Variants in CTNNA3 observed in about 807,000 individuals in gnomAD.
The protein encoded by CTNNA3 is catenin alpha-3.
Under a neutral mutation model 95.7 loss-of-function variants are expected in CTNNA3, and 76 were observed. The ratio of observed to expected loss-of-function variants is 0.79; its 90% CI spans 0.66 to 0.96. CTNNA3 has a LOEUF of 0.96. Ranked by LOEUF, CTNNA3 falls within the 40% of genes least tolerant of loss-of-function variation. The pLI is 0.00. For synonymous variants in CTNNA3, 431 were observed against 374.4 expected, an observed-to-expected ratio of 1.15 and a Z score of -1.74; for missense variants, 1,191 against 1,089.8, an observed-to-expected ratio of 1.09 and a Z score of -1.31.
chr10:66,833,008 C>A (rs1842773051), intron 7 of CTNNA3, among the ~76,000 whole-genome samples: 1 of 152,210 alleles, frequency 6.6e-6, no homozygotes, highest in Non-Finnish European at 1.5e-5. Flanking sequence ...TCACCCCCTT[C>A]CTGAATTTGT....
chr10:66,920,018 TTAG>T (rs1846708597), intron 7 of CTNNA3, among the ~76,000 whole-genome samples: 1 of 152,166 alleles, frequency 6.6e-6, no homozygotes, highest in African/African-American at 2.4e-5. Flanking sequence ...GGTATTAAAA[TTAG>T]TAGAAAAGAA....
chr10:66,410,058 A>C (rs1420064881), intron 11 of CTNNA3, among the ~76,000 whole-genome samples: 5 of 152,234 alleles, frequency 3.3e-5, no homozygotes, highest in African/African-American at 1.2e-4. Context: ...CAAGCAATAA[A>C]CATCCAGACA....
intron 5 of CTNNA3, among the ~76,000 whole-genome samples, chr10:67,255,251 T>C (rs781553650): frequency 2.8e-4 from 43 of 152,172 alleles, no homozygotes; most frequent in Middle Eastern, 3.4e-3. Context: ...GCTGAGATAA[T>C]GCCATTGCAC....
At chr10:66,389,552 A>G (rs1321060720) in intron 11 of CTNNA3, among the ~76,000 whole-genome samples, 1 of 152,150 alleles carries the variant, frequency 6.6e-6, no homozygotes. Flanking sequence ...ATAGTAATAC[A>G]TGGGATAATA....
At chr10:67,117,985 C>T (rs1364827075) in intron 7 of CTNNA3, among the ~76,000 whole-genome samples, 1 of 151,978 alleles carries the variant, frequency 6.6e-6, no homozygotes, top group Non-Finnish European at 1.5e-5. Context: ...TAACACATTA[C>T]AGCAAATAAT....
chr10:67,710,921 C>G (rs924365057), intron 1 of CTNNA3, among the ~76,000 whole-genome samples: 1 of 152,136 alleles, frequency 6.6e-6, no homozygotes, highest in African/African-American at 2.4e-5. Flanking sequence ...TGAATTCCCA[C>G]GTGTTGTGGG....
rs1014137271 is a variant in CTNNA3 at position 67,679,310 on chromosome 10, A to G, written c.-6+16690T>C. On this transcript the variant is annotated intron_variant, in intron 1 of 17. Transcript: ENST00000433211. ...AAAGAACCTGCCCCCTAGTTATGAC[A>G]GCCAAAAATGTCTCCAGACATTGCC... Among the ~76,000 whole-genome samples, 19 of 152,298 alleles carry G rather than the reference A, an allele frequency of 1.2e-4. 1 individual carries two copies. In the South Asian group the frequency reaches 3.7e-3, roughly 30 times the overall value.
intron 7 of CTNNA3, among the ~76,000 whole-genome samples, chr10:66,917,083 C>T (rs1846528750): frequency 6.6e-6 from 1 of 151,992 alleles, no homozygotes; most frequent in Admixed American, 6.6e-5. Flanking sequence ...TATTTTTTAC[C>T]ATCTCATCAA....
intron 9 of CTNNA3, among the ~76,000 whole-genome samples, chr10:66,705,921 T>C (rs981671045): frequency 6.6e-6 from 1 of 152,098 alleles, no homozygotes; most frequent in Non-Finnish European, 1.5e-5. Context: ...AACACAATTC[T>C]CCTAGACACA....
At chr10:67,415,377 C>A (rs905761852) in intron 5 of CTNNA3, among the ~76,000 whole-genome samples, 2 of 152,112 alleles carry the variant, frequency 1.3e-5, no homozygotes, top group Admixed American at 6.5e-5. Context: ...AGAGTAAAAT[C>A]TAGAACACAA....
intron 7 of CTNNA3, among the ~76,000 whole-genome samples, chr10:67,133,286 TTAGC>T (rs1282271016): frequency 7.1e-6 from 1 of 140,754 alleles, no homozygotes; most frequent in Non-Finnish European, 1.5e-5. Context: ...TTCTATAGCC[TTAGC>T]TAGAGCATAT....
At chr10:66,851,254 ATCACTC>A (rs1843474680) in intron 7 of CTNNA3, among the ~76,000 whole-genome samples, 1 of 152,112 alleles carries the variant, frequency 6.6e-6, no homozygotes, top group South Asian at 2.1e-4. Flanking sequence ...AGAAATGCCC[ATCACTC>A]TTTGAATGCA....
At chr10:66,460,196 G>A (rs922472242) in intron 11 of CTNNA3, among the ~76,000 whole-genome samples, 2 of 152,058 alleles carry the variant, frequency 1.3e-5, no homozygotes, top group Non-Finnish European at 2.9e-5. Context: ...TAGTTTAATA[G>A]CTGGTACAGC....
At chr10:65,929,859 C>A (rs1456238622) in intron 17 of CTNNA3, among the ~76,000 whole-genome samples, 1 of 152,048 alleles carries the variant, frequency 6.6e-6, no homozygotes, top group Admixed American at 6.6e-5. Flanking sequence ...AGCCACCGTG[C>A]CTGGCCAAAG....
At chr10:67,311,232 T>C (rs1362016184) in intron 5 of CTNNA3, among the ~76,000 whole-genome samples, 2 of 152,028 alleles carry the variant, frequency 1.3e-5, no homozygotes, top group Non-Finnish European at 2.9e-5. Flanking sequence ...GAATTAATAA[T>C]GGTATTTGAA....
chr10:67,589,935 A>G (rs1003493698), intron 3 of CTNNA3, among the ~76,000 whole-genome samples: 5 of 152,118 alleles, frequency 3.3e-5, no homozygotes, highest in African/African-American at 9.7e-5. Flanking sequence ...TTTGCTTACT[A>G]TTTGTCTCTA....
At chr10:67,587,313 G>A (rs1842665032) in intron 3 of CTNNA3, among the ~76,000 whole-genome samples, 1 of 151,068 alleles carries the variant, frequency 6.6e-6, no homozygotes, top group African/African-American at 2.4e-5. Context: ...TACTGCTTAG[G>A]CTTCCCAAAG....
chr10:67,288,643 A>G (rs149602854), intron 5 of CTNNA3, among the ~76,000 whole-genome samples: 20 of 152,296 alleles, frequency 1.3e-4, no homozygotes, highest in African/African-American at 4.8e-4. Context: ...GCTACACTAC[A>G]ATAAACTGCA....
chr10:67,297,179 A>G (rs749427976), intron 5 of CTNNA3, among the ~76,000 whole-genome samples: 8 of 152,114 alleles, frequency 5.3e-5, no homozygotes, highest in Non-Finnish European at 1.2e-4. Flanking sequence ...CCACCTGAAA[A>G]CTGAGTGTCC....
Sources: allele counts gnomAD v4.1 joint callset (sites outside exome capture counted in the v4.1 genomes callset), GRCh38; gene constraint gnomAD v4.1.1; transcripts MANE v1.5; gene names NCBI Gene and HGNC (gene_info 2026-07-23, HGNC 2026-07-21).